POU6F2: variants seen among roughly 807,000 people sequenced by gnomAD.
POU6F2 encodes the protein POU class 6 homeobox 2, also known as POU domain, class 6, transcription factor 2.
POU6F2 carries 31 observed loss-of-function variants against 71.3 expected under a neutral mutation model. That is an observed-to-expected ratio of 0.43 (90% CI 0.33 to 0.59). POU6F2 has a LOEUF of 0.59. Ranked by LOEUF, POU6F2 falls within the 20% of genes least tolerant of loss-of-function variation. POU6F2 has a pLI of 0.04. For missense variants in POU6F2, 783 were observed against 856.8 expected (o/e 0.91, Z 1.07); for synonymous variants, 347 against 355.7 (o/e 0.98, Z 0.27).
Position 39,085,938 on chromosome 7 carries a change from G to T in POU6F2, c.184G>T (p.Asp62Tyr), listed in dbSNP as rs563802406. Residue 62 changes from aspartate (D) to tyrosine (Y), a missense_variant, in exon 2 of 10, where the codon GAC becomes TAC. Around this residue, in one of 2 missense-constraint regions of POU6F2, gnomAD observed 572 missense variants for 572.9 expected, o/e 1.00. Coordinates refer to ENST00000518318, the MANE Select transcript of POU6F2 (RefSeq NM_001370959.1). The stretch of plus-strand genomic sequence containing the variant: ...AATGAATGCGGAGTTGAGAGGTGAG[G>T]ACAAGGCTGCTACTTCAGACAGCGA... ...SEMNAELRGE[D>Y]KAATSDSELN... The T allele has an allele frequency of 6.2e-7, 1 of 1,613,672 alleles. No homozygotes were observed. Among genetic ancestry groups the T allele is most frequent in the South Asian group, 1.1e-5 (1 of 91,060 alleles).
At chr7:39,180,891 T>C (rs1329866402) in intron 2 of POU6F2, among the ~76,000 whole-genome samples, 1 of 152,096 alleles carries the variant, frequency 6.6e-6, no homozygotes, top group African/African-American at 2.4e-5. Flanking sequence ...CTCCCACCCA[T>C]GGTTCTCATT....
intron 4 of POU6F2, among the ~76,000 whole-genome samples, chr7:39,291,946 CTT>C (rs80150010): frequency 4.4e-4 from 63 of 143,010 alleles, no homozygotes; most frequent in Admixed American, 8.3e-4. Context: ...TTCCCTTTAC[CTT>C]TTTTTTTTTT....
chr7:39,418,336 A>T (rs1206767036), intron 6 of POU6F2, among the ~76,000 whole-genome samples: 1 of 152,194 alleles, frequency 6.6e-6, no homozygotes, highest in Non-Finnish European at 1.5e-5. Context: ...ATTTCATTTC[A>T]TTCTCACAAT....
rs140592718 is a variant in POU6F2, at chr7:39,350,499, G to A, written c.972+10484G>A. 4.2e-3 allele frequency among the ~76,000 whole-genome samples: 634 copies of A among 152,274 alleles called. 4 individuals are homozygous for A. Among genetic ancestry groups the A allele is most frequent in the African/African-American group, 0.014 (580 of 41,546 alleles). ...TAAAAAAGGAATATTCCTTAGAGCAGTTCTCACCTCCAGTAGTCTGCACTC... is the reference window on the plus strand; with the variant it reads ...TAAAAAAGGAATATTCCTTAGAGCAATTCTCACCTCCAGTAGTCTGCACTC... On this transcript the variant is annotated intron_variant, in intron 5 of 9. Coordinates refer to ENST00000518318, the MANE Select transcript of POU6F2 (RefSeq NM_001370959.1).
At chr7:39,227,808 C>G (rs1364703175) in intron 4 of POU6F2, among the ~76,000 whole-genome samples, 1 of 152,112 alleles carries the variant, frequency 6.6e-6, no homozygotes, top group Non-Finnish European at 1.5e-5. Context: ...CTGCCTGCCT[C>G]GGCCTCCCAA....
At chr7:39,134,171 C>T (rs1163654312) in intron 2 of POU6F2, among the ~76,000 whole-genome samples, 1 of 152,180 alleles carries the variant, frequency 6.6e-6, no homozygotes, top group Non-Finnish European at 1.5e-5. Context: ...CCACCAAGCC[C>T]AGCCAGATTT....
chr7:39,100,271 T>A (rs1190719778), intron 2 of POU6F2, among the ~76,000 whole-genome samples: 2 of 152,236 alleles, frequency 1.3e-5, no homozygotes, highest in Non-Finnish European at 2.9e-5. Flanking sequence ...GTGCCACACT[T>A]CCAAGGGTTT....
At position 39,467,096 on chromosome 7, in the gene POU6F2, T is replaced by C. The variant is rs1789088926; in HGVS notation, c.*2410T>C. 1 of 152,162 alleles carries C rather than the reference T, an allele frequency of 6.6e-6. No individual in the cohort carries two copies. Among genetic ancestry groups the C allele is most frequent in the Non-Finnish European group, 1.5e-5 (1 of 68,012 alleles). 9.4% of individuals were successfully genotyped at this position (152,162 alleles called of 1,614,324 possible). A position where few individuals can be genotyped will look rare whatever the true frequency, so the allele number is the denominator to read the frequency against. ...TAACTAGGACAGGGAAAATATAAAATAAAAGTAATCTTCCAGAGTGGAACA... is the reference window on the plus strand; with the variant it reads ...TAACTAGGACAGGGAAAATATAAAACAAAAGTAATCTTCCAGAGTGGAACA... On this transcript the variant is annotated 3_prime_UTR_variant, in exon 10 of 10. Coordinates refer to ENST00000518318, the MANE Select transcript of POU6F2 (RefSeq NM_001370959.1).
intron 4 of POU6F2, among the ~76,000 whole-genome samples, chr7:39,233,677 A>G (rs1794619373): frequency 6.6e-6 from 1 of 152,186 alleles, no homozygotes. Context: ...CACTGGCCAG[A>G]GTCCTGTGAT....
intron 2 of POU6F2, among the ~76,000 whole-genome samples, chr7:39,203,313 A>G (rs1793943956): frequency 6.6e-6 from 1 of 152,220 alleles, no homozygotes; most frequent in Admixed American, 6.5e-5. Context: ...AACATCAGGA[A>G]AAAGGATCTT....
intron 1 of POU6F2, among the ~76,000 whole-genome samples, chr7:39,080,698 T>C (rs563549059): frequency 6.6e-6 from 1 of 152,338 alleles, no homozygotes. Context: ...TCTGATGGAC[T>C]GTTTCATCAT....
intron 8 of POU6F2, among the ~76,000 whole-genome samples, chr7:39,455,905 G>C (rs1027574950): frequency 6.6e-6 from 1 of 152,120 alleles, no homozygotes; most frequent in Non-Finnish European, 1.5e-5. Context: ...TCCCAGGCTT[G>C]ATTTTGGAAA....
chr7:39,069,669 A>G (rs936580663), intron 1 of POU6F2, among the ~76,000 whole-genome samples: 1 of 152,230 alleles, frequency 6.6e-6, no homozygotes, highest in African/African-American at 2.4e-5. Flanking sequence ...TTAGTATGTT[A>G]TATGTATTAT....
intron 1 of POU6F2, chr7:39,013,187 G>A (rs575457001): frequency 6.4e-6 from 1 of 157,466 alleles, no homozygotes; most frequent in East Asian, 1.9e-4. Flanking sequence ...GAGACTCTGT[G>A]GGCGTAGGAC....
Position 39,003,411 on chromosome 7 carries a change from C to G in POU6F2, c.105+25353C>G, listed in dbSNP as rs983614597. Among the ~76,000 whole-genome samples the G allele has an allele frequency of 4.0e-5, 6 of 151,596 alleles. No individual in the cohort carries two copies. The Middle Eastern group carries it at 0.017, about 430-fold the overall frequency. Reference sequence around the variant, plus strand: ...TGGATAAAGAAATTATATTAGCACTCACACACAAAAAGGAAGCATCTGATG... The same window carrying G: ...TGGATAAAGAAATTATATTAGCACTGACACACAAAAAGGAAGCATCTGATG... On this transcript the variant is annotated intron_variant, in intron 1 of 9. Transcript: ENST00000518318.
At position 39,120,995 on chromosome 7, in the gene POU6F2, T is replaced by G. The variant is rs150953530; in HGVS notation, c.277+34964T>G. On this transcript the variant is annotated intron_variant, in intron 2 of 9. Transcript: ENST00000518318. ...AGTTTTTCAATACTTAAAAAATGCT[T>G]TCACTGTTACCCACGGTGAAAAAAA... 27 of 150,928 alleles carry G rather than the reference T, an allele frequency of 1.8e-4. No homozygotes were observed. In the East Asian group the frequency reaches 4.9e-3, roughly 27 times the overall value. 9.3% of individuals were successfully genotyped at this position (150,928 alleles called of 1,614,324 possible).
intron 2 of POU6F2, among the ~76,000 whole-genome samples, chr7:39,174,246 C>T (rs1793283243): frequency 1.3e-5 from 2 of 152,206 alleles, no homozygotes; most frequent in South Asian, 4.1e-4. Flanking sequence ...GGCAAATGCT[C>T]TTGCTGACCA....
chr7:39,451,524 C>G lies in POU6F2; in HGVS notation c.1321-9C>G. On this transcript the variant is annotated splice_polypyrimidine_tract_variant and intron_variant, in intron 7 of 9. Transcript: ENST00000518318. ...CATTTGTGTATTTTTTTTACATCCCCTCATGTAGCTCCACCAACCCTCCCA... is the reference window on the plus strand; with the variant it reads ...CATTTGTGTATTTTTTTTACATCCCGTCATGTAGCTCCACCAACCCTCCCA... The G allele has an allele frequency of 6.2e-7, 1 of 1,607,298 alleles. No individual in the cohort carries two copies.
At chr7:39,329,542 A>G (rs1018373718) in intron 4 of POU6F2, among the ~76,000 whole-genome samples, 6 of 152,176 alleles carry the variant, frequency 3.9e-5, no homozygotes, top group African/African-American at 9.7e-5. Context: ...GAAAGTCAAA[A>G]TGTTTTGGAG....
Sources: allele counts gnomAD v4.1 joint callset (sites outside exome capture counted in the v4.1 genomes callset), GRCh38; gene constraint gnomAD v4.1.1; regional missense constraint gnomAD v4.1.1; transcripts MANE v1.5; gene names NCBI Gene and HGNC (gene_info 2026-07-23, HGNC 2026-07-21).